NDFIP1: variants seen among roughly 807,000 people sequenced by gnomAD.
The protein encoded by NDFIP1 is Nedd4 family interacting protein 1, also known as NEDD4 family-interacting protein 1.
NDFIP1 carries 7 observed loss-of-function variants against 28.8 expected under a neutral mutation model. The ratio of observed to expected loss-of-function variants is 0.24; its 90% CI spans 0.14 to 0.46. NDFIP1 has a LOEUF of 0.46. NDFIP1 is among the 20% of genes least tolerant of loss of function. NDFIP1 has a pLI of 0.99. For missense variants in NDFIP1, 194 were observed against 269.1 expected (o/e 0.72, Z 1.95); for synonymous variants, 92 against 101.0 (o/e 0.91, Z 0.53).
intron 6 of NDFIP1, among the ~76,000 whole-genome samples, chr5:142,141,115 G>A (rs934003478): frequency 1.4e-5 from 2 of 147,332 alleles, no homozygotes; most frequent in African/African-American, 5.0e-5. Flanking sequence ...TTTCCAGAAT[G>A]CTTTAGTTTA....
intron 3 of NDFIP1, among the ~76,000 whole-genome samples, chr5:142,134,709 A>G (rs1757257324): frequency 6.6e-6 from 1 of 152,204 alleles, no homozygotes; most frequent in Non-Finnish European, 1.5e-5. Flanking sequence ...AAATATCTCA[A>G]CACACACCTA....
chr5:142,112,557 C>T lies in NDFIP1; in HGVS notation c.63+3520C>T, dbSNP rs561313186. 2.1e-5 allele frequency among the ~76,000 whole-genome samples: 3 copies of T among 144,746 alleles called. No homozygotes were observed. The East Asian group carries it at 6.3e-4, about 30-fold the overall frequency. 95.0% of individuals were successfully genotyped at this position (144,746 alleles called of 152,430 possible). On this transcript the variant is annotated intron_variant, in intron 1 of 7. Transcript: ENST00000253814. ...TAAAAAAAAAAAAAAAAAAAGGCAC[C>T]GAGGTGGGCGGATCACAAGGTCAGG...
chr5:142,150,193 A>G (rs1295386440), intron 7 of NDFIP1, among the ~76,000 whole-genome samples: 6 of 126,998 alleles, frequency 4.7e-5, no homozygotes, highest in Non-Finnish European at 9.7e-5. Context: ...AAAAAAAAAA[A>G]AAAAAAATAT....
intron 1 of NDFIP1, among the ~76,000 whole-genome samples, chr5:142,115,095 T>G (rs1459437227): frequency 6.6e-6 from 1 of 152,186 alleles, no homozygotes; most frequent in Non-Finnish European, 1.5e-5. Flanking sequence ...TTATGGTAGA[T>G]TATAAAGTAA....
intron 3 of NDFIP1, among the ~76,000 whole-genome samples, chr5:142,132,578 T>G (rs1402827699): frequency 2.6e-5 from 4 of 152,196 alleles, no homozygotes; most frequent in Non-Finnish European, 4.4e-5. Flanking sequence ...CCACTACTTT[T>G]TCAAGTCTCC....
At position 142,137,978 on chromosome 5, in the gene NDFIP1, T is replaced by C. The variant is rs554284017; in HGVS notation, c.495+120T>C. On this transcript the variant is annotated intron_variant, in intron 5 of 7. Transcript: ENST00000253814. Reference sequence around the variant, plus strand: ...TTTCAGTGTGTTAAATGATTTTTGGTTTGTCTGTGGTTTCATGATGAAGCT... The same window carrying C: ...TTTCAGTGTGTTAAATGATTTTTGGCTTGTCTGTGGTTTCATGATGAAGCT... 1.2e-4 allele frequency: 153 copies of C among 1,321,668 alleles called. 1 individual carries two copies. The African/African-American group carries it at 1.9e-3, about 16-fold the overall frequency. 81.9% of individuals were successfully genotyped at this position (1,321,668 alleles called of 1,614,324 possible). A position where few individuals can be genotyped will look rare whatever the true frequency, so the allele number is the denominator to read the frequency against.
intron 6 of NDFIP1, among the ~76,000 whole-genome samples, chr5:142,142,395 G>A (rs1266532701): frequency 1.3e-5 from 2 of 151,968 alleles, no homozygotes; most frequent in East Asian, 3.9e-4. Context: ...TAGTTCCTTG[G>A]CTTGCTTATT....
intron 1 of NDFIP1, among the ~76,000 whole-genome samples, chr5:142,130,200 A>G (rs1757213069): frequency 6.6e-6 from 1 of 152,196 alleles, no homozygotes; most frequent in South Asian, 2.1e-4. Context: ...TTAAATTAAT[A>G]TAGTTCATTG....
intron 1 of NDFIP1, among the ~76,000 whole-genome samples, chr5:142,125,785 T>A (rs923906958): frequency 1.3e-5 from 2 of 152,256 alleles, no homozygotes; most frequent in Admixed American, 6.5e-5. Context: ...ATTGTCTGTC[T>A]TTTTTATTAT....
Position 142,153,490 on chromosome 5 carries a change from C to T in NDFIP1, c.*1762C>T. On this transcript the variant is annotated 3_prime_UTR_variant, in exon 8 of 8. Transcript: ENST00000253814. ...GAAAATTAGGAGCCTCCTGGATTGACATTTCAATGATCCCTCTAACCAGTT... is the reference window on the plus strand; with the variant it reads ...GAAAATTAGGAGCCTCCTGGATTGATATTTCAATGATCCCTCTAACCAGTT... 2.2e-6 allele frequency: 1 copy of T among 451,052 alleles called. No individual in the cohort carries two copies. The highest frequency in any genetic ancestry group is 4.5e-6 in the Non-Finnish European group (1 of 222,872). 27.9% of individuals were successfully genotyped at this position (451,052 alleles called of 1,614,324 possible).
chr5:142,124,119 T>C (rs1757147061), intron 1 of NDFIP1, among the ~76,000 whole-genome samples: 1 of 152,124 alleles, frequency 6.6e-6, no homozygotes, highest in Admixed American at 6.5e-5. Flanking sequence ...TTCCTCAAGC[T>C]GGGTGCCAGA....
In NDFIP1 at chr5:142,152,187, C is replaced by G. The variant is rs1298182231; in HGVS notation, c.*459C>G. ...AACTTTTGCTATGACTGTGTTTTTG[C>G]ACATAATCCATATTTGCTGTTCAAG... On this transcript the variant is annotated 3_prime_UTR_variant, in exon 8 of 8. Coordinates refer to ENST00000253814, the MANE Select transcript of NDFIP1 (RefSeq NM_030571.4). The G allele has an allele frequency of 6.5e-6, 1 of 152,706 alleles. No homozygotes were observed. Among genetic ancestry groups the G allele is most frequent in the Non-Finnish European group, 1.5e-5 (1 of 68,018 alleles). 9.5% of individuals were successfully genotyped at this position (152,706 alleles called of 1,614,324 possible).
At chr5:142,141,168 C>CTTTTTTT (rs1161113130) in intron 6 of NDFIP1, among the ~76,000 whole-genome samples, 1 of 59,940 alleles carries the variant, frequency 1.7e-5, no homozygotes, top group African/African-American at 6.4e-5. Flanking sequence ...GGCAAGAGGA[C>CTTTTTTT]TTTTTTTTTT....
Position 142,151,873 on chromosome 5 carries a change from TTCTC to T in NDFIP1, c.*149_*152del, listed in dbSNP as rs935084288. 17 of 152,782 alleles carry T rather than the reference TTCTC, an allele frequency of 1.1e-4. No homozygotes were observed. Among genetic ancestry groups the T allele is most frequent in the Admixed American group, 9.8e-4 (15 of 15,288 alleles). 9.5% of individuals were successfully genotyped at this position (152,782 alleles called of 1,614,324 possible). A position where few individuals can be genotyped will look rare whatever the true frequency, so the allele number is the denominator to read the frequency against. On this transcript the variant is annotated 3_prime_UTR_variant, in exon 8 of 8. Coordinates refer to ENST00000253814, the MANE Select transcript of NDFIP1 (RefSeq NM_030571.4). ...AATAAAGTACTGTTGAAAAGATCAT[TTCTC>T]TCTATTTGTTCCTAGGTGTAAAATT...
rs1190995073 is a variant in NDFIP1, at chr5:142,153,249, A to G, written c.*1521A>G. 1.1e-5 allele frequency: 5 copies of G among 453,484 alleles called. No homozygotes were observed. The highest frequency in any genetic ancestry group is 4.7e-5 in the Admixed American group (2 of 42,364). 28.1% of individuals were successfully genotyped at this position (453,484 alleles called of 1,614,324 possible). A position where few individuals can be genotyped will look rare whatever the true frequency, so the allele number is the denominator to read the frequency against. ...TTTAGAGACCAGTTGTTTTTATGAT[A>G]TCAGCCATTTGATTTTTTTCATTTT... On this transcript the variant is annotated 3_prime_UTR_variant, in exon 8 of 8. Coordinates refer to ENST00000253814, the MANE Select transcript of NDFIP1 (RefSeq NM_030571.4).
intron 1 of NDFIP1, among the ~76,000 whole-genome samples, chr5:142,124,250 A>T (rs1050307872): frequency 5.9e-5 from 9 of 152,164 alleles, no homozygotes; most frequent in African/African-American, 2.2e-4. Context: ...TGCCACCCCA[A>T]AACCTTGCAG....
Position 142,127,881 on chromosome 5 carries a change from A to T in NDFIP1, c.64-3927A>T, listed in dbSNP as rs1285100858. Among the ~76,000 whole-genome samples, 3 of 152,332 alleles carry T rather than the reference A, an allele frequency of 2.0e-5. No individual in the cohort carries two copies. In the East Asian group the frequency reaches 5.8e-4, roughly 29 times the overall value. ...TGAGGCGGAAGAATCACTTGAACCC[A>T]GGAGGCAGAGGTTGCAGTGAGCCAA... On this transcript the variant is annotated intron_variant, in intron 1 of 7. Transcript: ENST00000253814.
At position 142,110,533 on chromosome 5, in the gene NDFIP1, T is replaced by A. The variant is rs960888545; in HGVS notation, c.63+1496T>A. 5.9e-5 allele frequency among the ~76,000 whole-genome samples: 9 copies of A among 152,126 alleles called. 1 individual carries two copies. Among genetic ancestry groups the A allele is most frequent in the South Asian group, 2.1e-4 (1 of 4,826 alleles). ...TGACATACTGCTAGAATATAAAAAA[T>A]TTGCTGGAGTATCAAAATCATGTAT... On this transcript the variant is annotated intron_variant, in intron 1 of 7. Coordinates refer to ENST00000253814, the MANE Select transcript of NDFIP1 (RefSeq NM_030571.4).
Position 142,148,966 on chromosome 5 carries a change from A to G in NDFIP1, c.*3-2765A>G, listed in dbSNP as rs1040765839. ...TTAGCTACAGTAATAAGGTGGTAAC[A>G]CAGTTGATTGGTTATATCTAACACT... On this transcript the variant is annotated intron_variant, in intron 7 of 7. Coordinates refer to ENST00000253814, the MANE Select transcript of NDFIP1 (RefSeq NM_030571.4). Among the ~76,000 whole-genome samples the G allele has an allele frequency of 5.3e-5, 8 of 152,240 alleles. No homozygotes were observed. The Middle Eastern group carries it at 0.01, about 194-fold the overall frequency.
Sources: gnomAD v4.1 joint callset for allele counts (sites outside exome capture counted in the v4.1 genomes callset) on GRCh38, gnomAD v4.1.1 for gene constraint, MANE v1.5 for transcripts, NCBI Gene and HGNC (gene_info 2026-07-23, HGNC 2026-07-21) for gene names.